The following KHDRBS2 variants were observed in gnomAD, a reference collection of about 807,000 sequenced individuals.
KHDRBS2 encodes KH domain-containing, RNA-binding, signal transduction-associated protein 2.
Under a neutral mutation model 44.3 loss-of-function variants are expected in KHDRBS2, and 26 were observed. The observed-to-expected ratio is 0.59, with a 90% CI of 0.43 to 0.81. The LOEUF is 0.81. KHDRBS2 is among the 40% of genes least tolerant of loss of function. The pLI is 0.00. For synonymous variants in KHDRBS2, 194 were observed against 151.1 expected (o/e 1.28, Z -2.08); for missense variants, 476 against 433.1 (o/e 1.10, Z -0.88).
At chr6:62,243,136 T>C (rs1015366252) in intron 1 of KHDRBS2, among the ~76,000 whole-genome samples, 2 of 152,118 alleles carry the variant, frequency 1.3e-5, no homozygotes, top group Non-Finnish European at 2.9e-5. Context: ...ACATACAATA[T>C]ATGCTCTAGA....
the KHDRBS2 span, among the ~76,000 whole-genome samples, chr6:61,556,307 C>T: frequency 8.5e-5 from 13 of 152,268 alleles, no homozygotes; most frequent in South Asian, 1.2e-3. Flanking sequence ...GCAGGGGTGG[C>T]GGCGGGGGTG....
chr6:62,020,736 G>A (rs936829077), intron 3 of KHDRBS2, among the ~76,000 whole-genome samples: 3 of 151,922 alleles, frequency 2.0e-5, no homozygotes, highest in African/African-American at 7.2e-5. Context: ...TAAGTTATCT[G>A]ATATAAATAT....
chr6:61,837,040 C>A (rs1289423422), intron 6 of KHDRBS2, among the ~76,000 whole-genome samples: 2 of 151,732 alleles, frequency 1.3e-5, no homozygotes, highest in Non-Finnish European at 1.5e-5. Context: ...TCTAGGGGGT[C>A]ATAAAAAGAT....
chr6:62,163,450 G>A (rs1305366774), intron 2 of KHDRBS2, among the ~76,000 whole-genome samples: 1 of 151,990 alleles, frequency 6.6e-6, no homozygotes, highest in East Asian at 1.9e-4. Flanking sequence ...TATACAGACT[G>A]ATGAGTAGCA....
In KHDRBS2 at chr6:61,894,744, G is replaced by A. The variant is rs1802607337; in HGVS notation, c.701C>T (p.Pro234Leu). 6.2e-7 allele frequency: 1 copy of A among 1,613,584 alleles called. No homozygotes were observed. Among genetic ancestry groups the A allele is most frequent in the Non-Finnish European group, 8.5e-7 (1 of 1,179,856 alleles). Residue 234 changes from proline (P) to leucine (L), a missense_variant, in exon 6 of 9, where the codon CCA becomes CTA. By Grantham distance (98) the Pro-to-Leu change is moderately conservative. Transcript: ENST00000281156. Reference protein sequence around the residue: ...RGSTVTRGALPVPPVARGVPT... With the variant: ...RGSTVTRGALLVPPVARGVPT... ...GACACCTCTTGCTACAGGTGGCACT[G>A]GAAGCGCTCCACGGGTTACAGTGCT...
At position 61,945,046 on chromosome 6, in the gene KHDRBS2, G is replaced by A. The variant is rs546211853; in HGVS notation, c.483+33020C>T. The stretch of plus-strand genomic sequence containing the variant: ...GCGGAGGTTGCAGTAAGCCAAGATC[G>A]TGCCACTGCACTCCAGTACGGAAGA... On this transcript the variant is annotated intron_variant, in intron 4 of 8. Coordinates refer to ENST00000281156, the MANE Select transcript of KHDRBS2 (RefSeq NM_152688.4). Among the ~76,000 whole-genome samples, 4 of 140,550 alleles carry A rather than the reference G, an allele frequency of 2.8e-5. No homozygotes were observed. In the South Asian group the frequency reaches 6.8e-4, roughly 24 times the overall value. 92.2% of individuals were successfully genotyped at this position (140,550 alleles called of 152,430 possible).
chr6:62,083,861 C>A (rs1215985952), intron 2 of KHDRBS2, among the ~76,000 whole-genome samples: 1 of 152,186 alleles, frequency 6.6e-6, no homozygotes, highest in Non-Finnish European at 1.5e-5. Context: ...CACCACAGTG[C>A]TTCATTACAC....
chr6:61,766,628 T>G (rs980057022), intron 6 of KHDRBS2, among the ~76,000 whole-genome samples: 1 of 152,072 alleles, frequency 6.6e-6, no homozygotes, highest in African/African-American at 2.4e-5. Flanking sequence ...GTACTTCTTT[T>G]GCTGTATCTC....
At chr6:61,592,685 T>C in the KHDRBS2 span, among the ~76,000 whole-genome samples, 1 of 152,216 alleles carries the variant, frequency 6.6e-6, no homozygotes, top group East Asian at 1.9e-4. Context: ...ATTTTTGTTT[T>C]TTTTTAGTCT....
At chr6:62,232,036 A>T (rs1832976293) in intron 1 of KHDRBS2, among the ~76,000 whole-genome samples, 1 of 152,124 alleles carries the variant, frequency 6.6e-6, no homozygotes, top group South Asian at 2.1e-4. Context: ...CATTTGCTGT[A>T]CTCTTTGAGG....
At chr6:61,859,385 TTA>T (rs1796595750) in intron 6 of KHDRBS2, among the ~76,000 whole-genome samples, 1 of 151,766 alleles carries the variant, frequency 6.6e-6, no homozygotes, top group Non-Finnish European at 1.5e-5. Flanking sequence ...GGGTGACACA[TTA>T]GTGGGTAAAT....
intron 3 of KHDRBS2, among the ~76,000 whole-genome samples, chr6:61,986,268 T>C (rs1438582061): frequency 2.6e-5 from 4 of 152,240 alleles, no homozygotes; most frequent in Non-Finnish European, 5.9e-5. Context: ...AGAAGCTAAG[T>C]AACTTGGTTG....
At chr6:61,546,770 A>G in the KHDRBS2 span, among the ~76,000 whole-genome samples, 1 of 152,158 alleles carries the variant, frequency 6.6e-6, no homozygotes, top group African/African-American at 2.4e-5. Context: ...CAGTTCAAAT[A>G]CCAGCACTCA....
At chr6:62,278,914 G>A (rs929526261) in intron 1 of KHDRBS2, among the ~76,000 whole-genome samples, 1 of 151,886 alleles carries the variant, frequency 6.6e-6, no homozygotes, top group African/African-American at 2.4e-5. Flanking sequence ...TTAACACGGT[G>A]AAACCCCGTC....
At chr6:61,548,850 G>T in the KHDRBS2 span, among the ~76,000 whole-genome samples, 1 of 152,082 alleles carries the variant, frequency 6.6e-6, no homozygotes. Flanking sequence ...CTAGACCAGG[G>T]TATGTTGGAG....
chr6:62,116,781 A>C (rs1391940401), intron 2 of KHDRBS2, among the ~76,000 whole-genome samples: 1 of 151,930 alleles, frequency 6.6e-6, no homozygotes, highest in East Asian at 1.9e-4. Context: ...CACCCCTCTC[A>C]GCCTCTGGTA....
intron 4 of KHDRBS2, among the ~76,000 whole-genome samples, chr6:61,935,633 T>C (rs184390621): frequency 1.3e-5 from 2 of 152,292 alleles, no homozygotes; most frequent in East Asian, 3.9e-4. Flanking sequence ...CTGAGTGACA[T>C]TGCTTTGCTC....
intron 6 of KHDRBS2, among the ~76,000 whole-genome samples, chr6:61,799,312 A>G (rs1285334445): frequency 6.6e-6 from 1 of 152,012 alleles, no homozygotes; most frequent in African/African-American, 2.4e-5. Flanking sequence ...CTGACCTATA[A>G]AAATGCATTC....
At chr6:61,569,936 G>A in the KHDRBS2 span, among the ~76,000 whole-genome samples, 1 of 152,154 alleles carries the variant, frequency 6.6e-6, no homozygotes, top group African/African-American at 2.4e-5. Context: ...CAGGCCTTGA[G>A]TTCCAGACCT....
Sources: gnomAD v4.1 joint callset for allele counts (sites outside exome capture counted in the v4.1 genomes callset) on GRCh38, gnomAD v4.1.1 for gene constraint, MANE v1.5 for transcripts, NCBI Gene and HGNC (gene_info 2026-07-23, HGNC 2026-07-21) for gene names.